DAB1: variants seen among roughly 807,000 people sequenced by gnomAD.
DAB1 encodes DAB adaptor protein 1.
Under a neutral mutation model 64.6 loss-of-function variants are expected in DAB1, and 15 were observed. The observed-to-expected ratio is 0.23, with a 90% CI of 0.16 to 0.36. The LOEUF is 0.36. Among genes scored for constraint, DAB1 ranks in the 10% least tolerant of loss-of-function variants. DAB1 has a pLI of 1.00. For synonymous variants in DAB1, 235 were observed against 251.9 expected (o/e 0.93, Z 0.64); for missense variants, 596 against 706.7 (o/e 0.84, Z 1.78).
chr1:57,210,491 A>G (rs1665916892), intron 2 of DAB1, among the ~76,000 whole-genome samples: 1 of 152,208 alleles, frequency 6.6e-6, no homozygotes, highest in Non-Finnish European at 1.5e-5. Context: ...ATTGAGGCAT[A>G]GTGATTTCTT....
intron 2 of DAB1, among the ~76,000 whole-genome samples, chr1:57,221,265 G>T (rs1294489047): frequency 6.6e-6 from 1 of 151,726 alleles, no homozygotes; most frequent in Non-Finnish European, 1.5e-5. Context: ...GGGGATGGGG[G>T]AGGGATAGCA....
chr1:58,466,120 C>T (rs1645293597), intron 3 of DAB1, among the ~76,000 whole-genome samples: 1 of 152,148 alleles, frequency 6.6e-6, no homozygotes, highest in South Asian at 2.1e-4. Flanking sequence ...CCTGACTGCC[C>T]CTGGCCACCC....
chr1:58,156,731 C>T (rs1042448416), intron 4 of DAB1, among the ~76,000 whole-genome samples: 3 of 151,888 alleles, frequency 2.0e-5, no homozygotes, highest in Non-Finnish European at 2.9e-5. Context: ...GTGCAAAGTG[C>T]GGAGGAAAGG....
intron 5 of DAB1, among the ~76,000 whole-genome samples, chr1:57,889,899 C>A (rs58602349): frequency 1.7e-4 from 13 of 74,306 alleles, no homozygotes; most frequent in Admixed American, 6.9e-4. Flanking sequence ...CAAACTGGGG[C>A]GGGGGGGGGG....
chr1:58,064,404 A>C (rs1288638715), intron 5 of DAB1, among the ~76,000 whole-genome samples: 2 of 152,126 alleles, frequency 1.3e-5, no homozygotes, highest in African/African-American at 4.8e-5. Context: ...ATGACACTGA[A>C]ATTCAGTTCA....
At chr1:58,544,838 C>T (rs563661196) in intron 1 of DAB1, among the ~76,000 whole-genome samples, 1 of 152,348 alleles carries the variant, frequency 6.6e-6, no homozygotes, top group African/African-American at 2.4e-5. Flanking sequence ...AAGTGATCTG[C>T]TCACCTCGGT....
chr1:57,027,861 G>C (rs996245563), intron 9 of DAB1, among the ~76,000 whole-genome samples: 4 of 152,128 alleles, frequency 2.6e-5, no homozygotes, highest in African/African-American at 9.7e-5. Flanking sequence ...TTTCTTTCCA[G>C]CTGCACAATA....
chr1:57,214,910 C>CAAAAAAAAAAAAA (rs56175448), intron 2 of DAB1, among the ~76,000 whole-genome samples: 1 of 58,728 alleles, frequency 1.7e-5, no homozygotes, highest in African/African-American at 7.1e-5. Flanking sequence ...GATTCCCTCT[C>CAAAAAAAAAAAAA]AAAAAAAAAA....
At chr1:57,771,800 AT>A (rs1458949638) in intron 6 of DAB1, among the ~76,000 whole-genome samples, 1 of 152,040 alleles carries the variant, frequency 6.6e-6, no homozygotes, top group Admixed American at 6.6e-5. Flanking sequence ...GTCATGATAC[AT>A]TTGTTTTCTC....
chr1:57,732,034 T>A (rs1013530269), intron 6 of DAB1, among the ~76,000 whole-genome samples: 6 of 152,104 alleles, frequency 3.9e-5, no homozygotes, highest in Non-Finnish European at 8.8e-5. Context: ...GGAAGGGCAT[T>A]CTGGAATGAG....
At chr1:57,594,709 C>T (rs545353501) in intron 7 of DAB1, among the ~76,000 whole-genome samples, 40 of 151,994 alleles carry the variant, frequency 2.6e-4, no homozygotes, top group Non-Finnish European at 4.3e-4. Flanking sequence ...TATTTATATA[C>T]TTATTTATTT....
At chr1:58,314,145 G>C (rs1447626865) in intron 4 of DAB1, among the ~76,000 whole-genome samples, 1 of 152,088 alleles carries the variant, frequency 6.6e-6, no homozygotes, top group Non-Finnish European at 1.5e-5. Flanking sequence ...TGGACCCTCT[G>C]GTTGTGTTTA....
intron 1 of DAB1, among the ~76,000 whole-genome samples, chr1:57,397,072 C>T (rs1359125871): frequency 1.3e-5 from 2 of 152,204 alleles, no homozygotes; most frequent in South Asian, 2.1e-4. Flanking sequence ...ATTAGAAGGA[C>T]CCTTAGAAAC....
intron 5 of DAB1, among the ~76,000 whole-genome samples, chr1:58,020,116 T>G (rs1347311067): frequency 6.6e-6 from 1 of 152,248 alleles, no homozygotes; most frequent in Non-Finnish European, 1.5e-5. Flanking sequence ...ATTATTATTC[T>G]GCATTAAGAC....
chr1:57,055,243 G>A (rs1430960791), intron 9 of DAB1, among the ~76,000 whole-genome samples: 2 of 152,202 alleles, frequency 1.3e-5, no homozygotes, highest in African/African-American at 2.4e-5. Context: ...GGAGTGGGTA[G>A]GATTAATCCT....
At chr1:57,646,049 GA>G (rs5774364) in intron 7 of DAB1, among the ~76,000 whole-genome samples, 45,049 of 151,926 alleles carry the variant, frequency 0.3, 6,937 homozygotes, top group Admixed American at 0.36. Context: ...GGGGAGAAAA[GA>G]AAAAATAGCA....
At chr1:57,993,583 C>T (rs901968195) in intron 5 of DAB1, among the ~76,000 whole-genome samples, 27 of 152,186 alleles carry the variant, frequency 1.8e-4, no homozygotes, top group Non-Finnish European at 1.5e-4. Context: ...GTACCCGCTG[C>T]ATTTGGCTGA....
At chr1:57,047,110 T>C (rs886214679) in intron 9 of DAB1, among the ~76,000 whole-genome samples, 6 of 152,198 alleles carry the variant, frequency 3.9e-5, no homozygotes, top group Non-Finnish European at 7.3e-5. Flanking sequence ...GAGAGGTGGA[T>C]TAGATTCTTA....
intron 6 of DAB1, among the ~76,000 whole-genome samples, chr1:57,658,333 T>G (rs1235691189): frequency 1.4e-5 from 2 of 143,100 alleles, no homozygotes; most frequent in Non-Finnish European, 3.0e-5. Flanking sequence ...TGAGATGGAG[T>G]CTCACTGTCG....
Sources: allele counts gnomAD v4.1 joint callset (sites outside exome capture counted in the v4.1 genomes callset), GRCh38; gene constraint gnomAD v4.1.1; transcripts MANE v1.5; gene names NCBI Gene and HGNC (gene_info 2026-07-23, HGNC 2026-07-21).